Variants in ALLC observed in about 807,000 individuals in gnomAD.
ALLC encodes allantoicase.
ALLC carries 40 observed loss-of-function variants against 45.0 expected under a neutral mutation model. That is an observed-to-expected ratio of 0.89 (90% CI 0.69 to 1.16). The LOEUF (loss-of-function observed/expected upper bound fraction) is 1.16. Ranked by LOEUF, ALLC falls within the 50% of genes most tolerant of loss-of-function variation. The probability of loss-of-function intolerance (pLI) is 0.00; values close to 1 mark genes in which losing one functional copy is unlikely to be tolerated. For missense variants in ALLC, 488 were observed against 493.1 expected (o/e 0.99, Z 0.10); for synonymous variants, 176 against 178.1 (o/e 0.99, Z 0.09).
Position 3,670,918 on chromosome 2 carries a change from T to C in ALLC, c.-62-178T>C, listed in dbSNP as rs189152189. 8.3e-3 allele frequency among the ~76,000 whole-genome samples: 1,125 copies of C among 136,028 alleles called. 13 individuals are homozygous for C. Among genetic ancestry groups the C allele is most frequent in the African/African-American group, 0.029 (1,037 of 35,430 alleles). The allele number at this position is 136,028 out of a possible 152,430, so 89.2% of individuals were successfully genotyped here. On this transcript the variant is annotated intron_variant, in intron 1 of 11. Transcript: ENST00000252505. Reference sequence around the variant, plus strand: ...CCCGTTTCAGCGTGTTTAAGCAAAGTCTCTTTTTAGTTCAACCTCATTGAG... The same window carrying C: ...CCCGTTTCAGCGTGTTTAAGCAAAGCCTCTTTTTAGTTCAACCTCATTGAG...
intron 1 of ALLC, among the ~76,000 whole-genome samples, chr2:3,669,571 C>G (rs987958194): frequency 6.6e-6 from 1 of 152,120 alleles, no homozygotes; most frequent in African/African-American, 2.4e-5. Context: ...TCGCTTGAAC[C>G]TGGGAGGTGG....
At chr2:3,661,092 A>G (rs1251636940) in intron 1 of ALLC, among the ~76,000 whole-genome samples, 2 of 152,110 alleles carry the variant, frequency 1.3e-5, no homozygotes, top group Non-Finnish European at 2.9e-5. Context: ...TGCATTCACA[A>G]CCCGTCCCCC....
upstream of ALLC, among the ~76,000 whole-genome samples, chr2:3,654,307 G>A (rs571664498): frequency 3.9e-5 from 6 of 152,354 alleles, no homozygotes; most frequent in East Asian, 1.9e-4. Context: ...GGTGGACTGC[G>A]ACTGTGGCTG....
chr2:3,701,828 T>G (rs1291577177), intron 11 of ALLC, among the ~76,000 whole-genome samples, 192 bp downstream of exon 11: 1 of 152,236 alleles, frequency 6.6e-6, no homozygotes, highest in Non-Finnish European at 1.5e-5. Flanking sequence ...TTCCAAATTT[T>G]ATTAGAACAA....
chr2:3,683,146 A>G (rs1319528797), intron 7 of ALLC, 72 bp downstream of exon 7: 7 of 1,473,288 alleles, frequency 4.8e-6, no homozygotes, highest in Non-Finnish European at 6.4e-6. Context: ...ATAAAATATA[A>G]AATGACTTGC....
upstream of ALLC, among the ~76,000 whole-genome samples, chr2:3,653,265 A>T (rs1158793756): frequency 6.6e-6 from 1 of 152,218 alleles, no homozygotes; most frequent in African/African-American, 2.4e-5. The surrounding 1 kb of genome is among the most constrained non-coding windows in gnomAD (Gnocchi z 4.1). Context: ...TCTGCCCATG[A>T]TGGGAGAAGC....
upstream of ALLC, among the ~76,000 whole-genome samples, chr2:3,654,232 C>T (rs1231578499): frequency 1.4e-5 from 2 of 138,134 alleles, no homozygotes; most frequent in African/African-American, 6.9e-5. Context: ...GTGAGTGATC[C>T]AAGAGCCCTT....
intron 2 of ALLC, among the ~76,000 whole-genome samples, chr2:3,673,048 G>C (rs1260821614): frequency 6.9e-6 from 1 of 145,852 alleles, no homozygotes; most frequent in African/African-American, 2.5e-5. Flanking sequence ...GGTAGCCTGG[G>C]GGAATTGGGG....
rs12105179 is a variant in ALLC, at chr2:3,674,139, A to G, written c.84+14A>G. 715,768 of 1,538,138 alleles carry G rather than the reference A, an allele frequency of 0.47. 175,955 individuals are homozygous for G. The highest frequency in any genetic ancestry group is 0.89 in the African/African-American group (65,090 of 73,208). The stretch of plus-strand genomic sequence containing the variant: ...AACCTCATAAAGGTATTGTAAATTG[A>G]CATTCTGCAATGTAAAGGGTTGATG... On this transcript the variant is annotated intron_variant, in intron 3 of 11. Coordinates refer to ENST00000252505, the MANE Select transcript of ALLC (RefSeq NM_018436.4).
chr2:3,697,565 G>T (rs771204841), intron 10 of ALLC, 109 bp downstream of exon 10: 72 of 789,808 alleles, frequency 9.1e-5, no homozygotes, highest in Admixed American at 9.2e-5. Context: ...TGGATTCCCC[G>T]TTTAAGCTGT....
the ALLC span, among the ~76,000 whole-genome samples, chr2:3,651,440 T>TGG: frequency 3.6e-5 from 2 of 55,464 alleles, no homozygotes; most frequent in Non-Finnish European, 8.0e-5. Context: ...TGTGTGTGTG[T>TGG]GTTAGGAAGG....
At chr2:3,660,362 A>T (rs1326883448) in intron 1 of ALLC, among the ~76,000 whole-genome samples, 1 of 151,030 alleles carries the variant, frequency 6.6e-6, no homozygotes, top group Non-Finnish European at 1.5e-5. Flanking sequence ...AGCCAAGTAA[A>T]CCCCTTTTTT....
chr2:3,701,731 C>T (rs892019845), intron 11 of ALLC, 95 bp downstream of exon 11: 1 of 1,400,612 alleles, frequency 7.1e-7, no homozygotes, highest in Non-Finnish European at 9.5e-7. Flanking sequence ...AAAGTTTCTG[C>T]TCAGTTTAAT....
Position 3,702,507 on chromosome 2 carries a change from A to C in ALLC, c.1120A>C (p.Arg374=). The part of the protein sequence containing the change: ...RGFPSSICLL[R]PREKPMLKFS... ...CTTCCCCAGCTCCATCTGCCTCCTG[A>C]GGCCCCGGGAGAAGCCCATGTTGAA... The change falls in exon 12 of 12, where the codon AGG becomes CGG. Residue 374 remains arginine (R), a synonymous_variant. Coordinates refer to ENST00000252505, the MANE Select transcript of ALLC (RefSeq NM_018436.4). The C allele has an allele frequency of 6.2e-7, 1 of 1,609,270 alleles. No homozygotes were observed. The highest frequency in any genetic ancestry group is 8.5e-7 in the Non-Finnish European group (1 of 1,178,400).
In ALLC at chr2:3,671,176, T is replaced by A. The variant is rs369154044; in HGVS notation, c.19T>A (p.Ser7Thr). MDMASE[S>T]VGGKILFATD... ...CCAGCTGATGGACATGGCATCTGAATCCGTAGGAGGAAAAGTAAGTGGGTC... is the reference window on the plus strand; with the variant it reads ...CCAGCTGATGGACATGGCATCTGAAACCGTAGGAGGAAAAGTAAGTGGGTC... Residue 7 changes from serine (S) to threonine (T), a missense_variant, in exon 2 of 12, where the codon TCC becomes ACC. Coordinates refer to ENST00000252505, the MANE Select transcript of ALLC (RefSeq NM_018436.4). The A allele has an allele frequency of 3.0e-5, 49 of 1,611,464 alleles. 1 individual carries two copies. In the East Asian group the frequency reaches 5.1e-4, roughly 17 times the overall value.
chr2:3,651,442 T>TGTGTGTG, the ALLC span, among the ~76,000 whole-genome samples: 519 of 25,586 alleles, frequency 0.02, 186 homozygotes, highest in Middle Eastern at 0.067. Flanking sequence ...TGTGTGTGTG[T>TGTGTGTG]TAGGAAGGGA....
At position 3,696,259 on chromosome 2, in the gene ALLC, A is replaced by G; in HGVS notation, c.668-16A>G. 6.2e-7 allele frequency: 1 copy of G among 1,607,762 alleles called. No homozygotes were observed. The highest frequency in any genetic ancestry group is 8.5e-7 in the Non-Finnish European group (1 of 1,176,310). On this transcript the variant is annotated splice_polypyrimidine_tract_variant and intron_variant, in intron 8 of 11. Coordinates refer to ENST00000252505, the MANE Select transcript of ALLC (RefSeq NM_018436.4). The stretch of plus-strand genomic sequence containing the variant: ...AAATCATGCAGTTTACCATTCAACA[A>G]TGTTATTTTCTGTAGGAGTTGGCGG...
At chr2:3,653,045 C>G in the ALLC span, among the ~76,000 whole-genome samples, 1 of 152,220 alleles carries the variant, frequency 6.6e-6, no homozygotes, top group African/African-American at 2.4e-5. The surrounding 1 kb of genome is among the most constrained non-coding windows in gnomAD (Gnocchi z 4.1). Flanking sequence ...AGTGCATCAG[C>G]TGGGAGGCCT....
intron 1 of ALLC, among the ~76,000 whole-genome samples, chr2:3,669,301 G>A (rs995531339): frequency 1.3e-5 from 2 of 152,082 alleles, no homozygotes; most frequent in Admixed American, 1.3e-4. Context: ...GTAAAACCCC[G>A]TCTCTACTAA....
Sources: allele counts gnomAD v4.1 joint callset (sites outside exome capture counted in the v4.1 genomes callset), GRCh38; gene constraint gnomAD v4.1.1; non-coding constraint Gnocchi (gnomAD v3.1); transcripts MANE v1.5; gene names NCBI Gene and HGNC (gene_info 2026-07-23, HGNC 2026-07-21).